Variants in KARS1 observed in about 807,000 individuals in gnomAD.
KARS1 encodes the protein lysine--tRNA ligase.
In KARS1, 50 loss-of-function variants were observed where a neutral mutation model predicts 63.9. That is an observed-to-expected ratio of 0.78 (90% CI 0.62 to 0.99). The LOEUF (loss-of-function observed/expected upper bound fraction) is 0.99. KARS1 is among the 50% of genes least tolerant of loss of function. KARS1 has a pLI of 0.00. For synonymous variants in KARS1, 320 were observed against 264.6 expected, an observed-to-expected ratio of 1.21 and a Z score of -2.03; for missense variants, 816 against 754.5, an observed-to-expected ratio of 1.08 and a Z score of -0.95.
At chr16:75,629,764 A>G (rs1248625142) in intron 11 of KARS1, among the ~76,000 whole-genome samples, 1 of 152,138 alleles carries the variant, frequency 6.6e-6, no homozygotes, top group Non-Finnish European at 1.5e-5. Flanking sequence ...TGCCTGGCTA[A>G]TTTTTGTATT....
In KARS1 at chr16:75,635,927, A is replaced by G; in HGVS notation, c.654T>C (p.Phe218=). 6.2e-7 allele frequency: 1 copy of G among 1,614,224 alleles called. No individual in the cohort carries two copies. The highest frequency in any genetic ancestry group is 8.5e-7 in the Non-Finnish European group (1 of 1,180,030). ...GAACGCTTACCTTGTCTTTGAGGCCAAAGTGAAGATGAGGTAACATATGCA... is the reference window on the plus strand; with the variant it reads ...GAACGCTTACCTTGTCTTTGAGGCCGAAGTGAAGATGAGGTAACATATGCA... ...PCLHMLPHLH[F]GLKDKETRYR... Residue 218 remains phenylalanine (F), a synonymous_variant, in exon 5 of 14, where the codon TTT becomes TTC. Coordinates refer to ENST00000302445, the MANE Select transcript of KARS1 (RefSeq NM_005548.3).
At position 75,627,817 on chromosome 16, in the gene KARS1, C is replaced by A; in HGVS notation, c.*78G>T. The A allele has an allele frequency of 1.2e-6, 1 of 845,268 alleles. No homozygotes were observed. Among genetic ancestry groups the A allele is most frequent in the South Asian group, 1.3e-5 (1 of 75,584 alleles). The allele number at this position is 845,268 out of a possible 1,614,324, so 52.4% of individuals were successfully genotyped here. ...GCGGTGTCAAATGGAAAGCAGCACA[C>A]AAGAATTCCCTTGCAGACCTTGATC... On this transcript the variant is annotated 3_prime_UTR_variant, in exon 14 of 14. Coordinates refer to ENST00000302445, the MANE Select transcript of KARS1 (RefSeq NM_005548.3).
At position 75,628,822 on chromosome 16, in the gene KARS1, C is replaced by G. The variant is rs534920111; in HGVS notation, c.1552-110G>C. The G allele has an allele frequency of 3.5e-6, 4 of 1,148,456 alleles. No homozygotes were observed. In the East Asian group the frequency reaches 7.1e-5, roughly 20 times the overall value. 71.1% of individuals were successfully genotyped at this position (1,148,456 alleles called of 1,614,324 possible). On this transcript the variant is annotated intron_variant, in intron 12 of 13. Transcript: ENST00000302445. ...GGAGTACCATCATTCCAGAGATGCTCCTGACACTCAGGACTTGCTGGGAAT... is the reference window on the plus strand; with the variant it reads ...GGAGTACCATCATTCCAGAGATGCTGCTGACACTCAGGACTTGCTGGGAAT...
At chr16:75,632,667 C>T (rs2082125843) in intron 7 of KARS1, among the ~76,000 whole-genome samples, 1 of 152,196 alleles carries the variant, frequency 6.6e-6, no homozygotes, top group Non-Finnish European at 1.5e-5. Context: ...ACACTGGGTT[C>T]TCCATGAGAA....
At chr16:75,646,321 T>C (rs116928063) in intron 1 of KARS1, among the ~76,000 whole-genome samples, 6,462 of 152,198 alleles carry the variant, frequency 0.042, 153 homozygotes, top group African/African-American at 0.049. Flanking sequence ...GGTGGGCGGA[T>C]CACAAGGTAA....
chr16:75,628,160 A>T (rs1185998640), intron 13 of KARS1, among the ~76,000 whole-genome samples, 167 bp from the exon 14 acceptor site: 1 of 152,238 alleles, frequency 6.6e-6, no homozygotes, highest in Non-Finnish European at 1.5e-5. Flanking sequence ...GACCCTCTCA[A>T]GTTACAGATG....
intron 11 of KARS1, 127 bp downstream of exon 11, chr16:75,630,296 T>G (rs1278021066): frequency 1.5e-6 from 1 of 678,754 alleles, no homozygotes; most frequent in Non-Finnish European, 2.7e-6. Context: ...AAAAAGCCAC[T>G]TGGGTTACCC....
intron 12 of KARS1, chr16:75,629,046 C>T: frequency 2.1e-6 from 1 of 467,782 alleles, no homozygotes. Flanking sequence ...CTGAAAACAG[C>T]CCTGTCAACA....
intron 13 of KARS1, among the ~76,000 whole-genome samples, chr16:75,628,214 A>T (rs1398575860): frequency 2.0e-5 from 3 of 152,276 alleles, no homozygotes; most frequent in Non-Finnish European, 2.9e-5. Flanking sequence ...CTATGTCAAA[A>T]GGATGAATAG....
chr16:75,639,749 T>C (rs898079520), intron 3 of KARS1: 3 of 169,276 alleles, frequency 1.8e-5, no homozygotes, highest in Admixed American at 1.7e-4. Context: ...AGTTTTACTA[T>C]TTGGTGGGAG....
chr16:75,647,483 G>A, intron 1 of KARS1, 95 bp downstream of exon 1: 1 of 1,164,752 alleles, frequency 8.6e-7, no homozygotes. Flanking sequence ...CCGGCAAGAA[G>A]GCCCCGGCAC....
chr16:75,636,484 C>G lies in KARS1; in HGVS notation c.452G>C (p.Gly151Ala). 2 of 1,613,320 alleles carry G rather than the reference C, an allele frequency of 1.2e-6. No homozygotes were observed. The highest frequency in any genetic ancestry group is 1.7e-6 in the Non-Finnish European group (2 of 1,179,280). Reference sequence around the variant, plus strand: ...ATTGGCCATGACTTGCAACTTCACCCCCTCTCCTCGAAGATCATAGAAGAT... The same window carrying G: ...ATTGGCCATGACTTGCAACTTCACCGCCTCTCCTCGAAGATCATAGAAGAT... The part of the protein sequence containing the change: ...KLIFYDLRGE[G>A]VKLQVMANSR... The change falls in exon 4 of 14, where the codon GGG (glycine) becomes GCG (alanine). Residue 151 changes from glycine to alanine, a missense_variant. Gly to Ala is a moderately conservative substitution (Grantham distance 60). Transcript: ENST00000302445.
chr16:75,635,659 C>T, intron 6 of KARS1, 21 bp downstream of exon 6: 1 of 1,612,946 alleles, frequency 6.2e-7, no homozygotes, highest in Non-Finnish European at 8.5e-7. Flanking sequence ...CTCATCACGT[C>T]AGGCAAGGAA....
chr16:75,628,510 T>G (rs1163523869), intron 13 of KARS1, 59 bp downstream of exon 13: 1 of 1,598,548 alleles, frequency 6.3e-7, no homozygotes, highest in Non-Finnish European at 8.6e-7. Context: ...CACCATGCCC[T>G]GGCTCCAACA....
intron 6 of KARS1, among the ~76,000 whole-genome samples, chr16:75,634,780 T>G (rs1478562672): frequency 6.6e-6 from 1 of 152,132 alleles, no homozygotes; most frequent in East Asian, 1.9e-4. Context: ...TTTCACTGTG[T>G]TAGCCAGGAT....
At chr16:75,644,323 T>G (rs1280486538) in intron 1 of KARS1, 1 of 1,608,404 alleles carries the variant, frequency 6.2e-7, no homozygotes, top group East Asian at 2.2e-5. Context: ...TGAGGCGCTG[T>G]GAAAGGAGCA....
intron 1 of KARS1, among the ~76,000 whole-genome samples, chr16:75,645,446 C>T (rs945115094): frequency 6.6e-6 from 1 of 152,194 alleles, no homozygotes; most frequent in Non-Finnish European, 1.5e-5. Flanking sequence ...ACAATAACTC[C>T]TCTTGCAAGG....
rs1320230674 is a variant in KARS1 at position 75,630,454 on chromosome 16, G to A, written c.1393C>T (p.His465Tyr). 2 of 1,609,832 alleles carry A rather than the reference G, an allele frequency of 1.2e-6. No individual in the cohort carries two copies. Among genetic ancestry groups the A allele is most frequent in the South Asian group, 1.1e-5 (1 of 91,018 alleles). The change falls in exon 11 of 14, where the codon CAC becomes TAC. Residue 465 changes from histidine (H) to tyrosine (Y), a missense_variant. His to Tyr is a moderately conservative substitution (Grantham distance 83). Transcript: ENST00000302445. ...GCCAAAGGGCTCATTATCTGTGGGT[G>A]ATCACAGATGAATGTAGGATTGATG... The part of the protein sequence containing the change: ...TCINPTFICD[H>Y]PQIMSPLAKW...
intron 2 of KARS1, among the ~76,000 whole-genome samples, chr16:75,641,041 C>T (rs1202466793): frequency 1.3e-5 from 2 of 151,984 alleles, no homozygotes; most frequent in Admixed American, 6.6e-5. Context: ...TAGTGGTGTG[C>T]GCCTCTAATA....
Sources: allele counts gnomAD v4.1 joint callset (sites outside exome capture counted in the v4.1 genomes callset), GRCh38; gene constraint gnomAD v4.1.1; transcripts MANE v1.5; gene names NCBI Gene and HGNC (gene_info 2026-07-23, HGNC 2026-07-21).